PLPPR1: variants seen among roughly 807,000 people sequenced by gnomAD.
PLPPR1 encodes phospholipid phosphatase-related protein type 1.
A neutral mutation model predicts 33.1 loss-of-function variants in PLPPR1; 10 were observed. That is an observed-to-expected ratio of 0.30 (90% CI 0.19 to 0.51). The LOEUF (loss-of-function observed/expected upper bound fraction) is 0.51. PLPPR1 is among the 20% of genes least tolerant of loss of function. The probability of loss-of-function intolerance (pLI) is 0.97; values close to 1 mark genes in which losing one functional copy is unlikely to be tolerated. For missense variants in PLPPR1, 304 were observed against 408.1 expected, an observed-to-expected ratio of 0.74 and a Z score of 2.20; for synonymous variants, 151 against 151.0, an observed-to-expected ratio of 1.00 and a Z score of 0.00.
intron 1 of PLPPR1, among the ~76,000 whole-genome samples, chr9:101,067,124 C>T (rs1005997709): frequency 1.3e-5 from 2 of 151,960 alleles, no homozygotes; most frequent in Admixed American, 1.3e-4. Flanking sequence ...TGCAATGATG[C>T]CTCAACTCTG....
chr9:101,101,017 G>C (rs1445252058), intron 1 of PLPPR1, among the ~76,000 whole-genome samples: 1 of 152,146 alleles, frequency 6.6e-6, no homozygotes, highest in Non-Finnish European at 1.5e-5. Flanking sequence ...AGTAAATTAA[G>C]CCTTAAGAAA....
chr9:101,043,085 A>G (rs1326794800), intron 1 of PLPPR1, among the ~76,000 whole-genome samples: 1 of 151,988 alleles, frequency 6.6e-6, no homozygotes, highest in Non-Finnish European at 1.5e-5. Flanking sequence ...TGAGTCCCCA[A>G]AGTCCATTGT....
intron 2 of PLPPR1, among the ~76,000 whole-genome samples, chr9:101,245,943 T>A (rs1359203356): frequency 6.6e-6 from 1 of 151,258 alleles, no homozygotes; most frequent in East Asian, 2.0e-4. Flanking sequence ...AAAATCCAAA[T>A]AAGGAAAGAC....
At chr9:101,069,283 A>G (rs1183178866) in intron 1 of PLPPR1, among the ~76,000 whole-genome samples, 3 of 152,086 alleles carry the variant, frequency 2.0e-5, no homozygotes, top group Non-Finnish European at 1.5e-5. Context: ...AATGATTTTC[A>G]TTTTAGAGAT....
At chr9:101,297,120 C>T (rs988677859) in intron 4 of PLPPR1, among the ~76,000 whole-genome samples, 1 of 152,034 alleles carries the variant, frequency 6.6e-6, no homozygotes. Context: ...GGATAATGGG[C>T]AAATTGGGCA....
chr9:101,124,451 G>GT (rs1393684581), intron 1 of PLPPR1, among the ~76,000 whole-genome samples: 3 of 152,134 alleles, frequency 2.0e-5, no homozygotes, highest in Non-Finnish European at 4.4e-5. Flanking sequence ...TTCCTGTGCG[G>GT]TTTTCTTGAT....
chr9:101,089,878 T>A (rs1432918445), intron 1 of PLPPR1, among the ~76,000 whole-genome samples: 1 of 152,200 alleles, frequency 6.6e-6, no homozygotes, highest in African/African-American at 2.4e-5. Context: ...TTGCAAGATG[T>A]ATTAGTTGTC....
intron 2 of PLPPR1, among the ~76,000 whole-genome samples, chr9:101,262,506 A>C (rs530431967): frequency 6.6e-6 from 1 of 152,340 alleles, no homozygotes; most frequent in African/African-American, 2.4e-5. Flanking sequence ...AGGAAACAAT[A>C]GATACTGGAG....
Position 101,308,453 on chromosome 9 carries a change from G to A in PLPPR1, c.386-758G>A, listed in dbSNP as rs1319636394. 2.6e-5 allele frequency among the ~76,000 whole-genome samples: 4 copies of A among 152,284 alleles called. 1 individual carries two copies. The highest frequency in any genetic ancestry group is 9.6e-5 in the African/African-American group (4 of 41,552). On this transcript the variant is annotated intron_variant, in intron 4 of 7. Coordinates refer to ENST00000374874, the MANE Select transcript of PLPPR1 (RefSeq NM_207299.2). ...GTTTAGCTTAGTGGAACCTATTGTA[G>A]GCTTCTGAATTCCAGAATACAGAAG...
intron 1 of PLPPR1, among the ~76,000 whole-genome samples, chr9:101,067,240 A>AG (rs67293558): frequency 7.2e-4 from 109 of 151,884 alleles, no homozygotes; most frequent in Non-Finnish European, 1.3e-3. Flanking sequence ...CACCAAAAAA[A>AG]AAAGACTCAA....
At chr9:101,170,865 GGA>G (rs1825933123) in intron 1 of PLPPR1, among the ~76,000 whole-genome samples, 1 of 152,082 alleles carries the variant, frequency 6.6e-6, no homozygotes, top group African/African-American at 2.4e-5. Context: ...ACTTGAACCA[GGA>G]AGGTCAAGAG....
At chr9:101,063,596 C>T (rs751370593) in intron 1 of PLPPR1, among the ~76,000 whole-genome samples, 9 of 152,090 alleles carry the variant, frequency 5.9e-5, no homozygotes, top group Non-Finnish European at 1.2e-4. Flanking sequence ...ACACTCCTCA[C>T]GTATTAAGCT....
At chr9:101,248,420 A>G (rs1409006297) in intron 2 of PLPPR1, among the ~76,000 whole-genome samples, 3 of 152,136 alleles carry the variant, frequency 2.0e-5, no homozygotes, top group Admixed American at 6.6e-5. Context: ...ATGCTCAGGC[A>G]TAAGAATCCT....
chr9:101,089,332 G>GA (rs1830715639), intron 1 of PLPPR1, among the ~76,000 whole-genome samples: 1 of 151,438 alleles, frequency 6.6e-6, no homozygotes, highest in Non-Finnish European at 1.5e-5. Flanking sequence ...TAGATAGATA[G>GA]TAGTTAATTG....
At chr9:101,153,172 G>A (rs1006296344) in intron 1 of PLPPR1, among the ~76,000 whole-genome samples, 1 of 152,168 alleles carries the variant, frequency 6.6e-6, no homozygotes, top group Non-Finnish European at 1.5e-5. Context: ...TTGTGAATGG[G>A]AGTTCACTCA....
intron 1 of PLPPR1, among the ~76,000 whole-genome samples, chr9:101,120,253 A>G (rs929794435): frequency 2.0e-5 from 3 of 152,228 alleles, no homozygotes; most frequent in Non-Finnish European, 2.9e-5. Context: ...ACTCTAGCCA[A>G]TGGAATCCGT....
At chr9:101,319,409 C>T (rs1175189254) in intron 7 of PLPPR1, among the ~76,000 whole-genome samples, 1 of 152,094 alleles carries the variant, frequency 6.6e-6, no homozygotes. Flanking sequence ...ATATCCTATG[C>T]CTTTTTACCT....
At chr9:101,149,436 A>T (rs1477413313) in intron 1 of PLPPR1, among the ~76,000 whole-genome samples, 2 of 152,174 alleles carry the variant, frequency 1.3e-5, no homozygotes, top group Non-Finnish European at 2.9e-5. Context: ...TCTTATGGTT[A>T]TCGGGGGTAC....
chr9:101,211,641 A>T lies in PLPPR1; in HGVS notation c.63+26084A>T, dbSNP rs372963356. On this transcript the variant is annotated intron_variant, in intron 2 of 7. Transcript: ENST00000374874. ...CCACCTCCTTAACACTAGGCCTGGC[A>T]TGTTCTTAAAGCAACTCTGTCCCTC... 3.2e-4 allele frequency among the ~76,000 whole-genome samples: 49 copies of T among 152,338 alleles called. 2 individuals carry two copies. The highest frequency in any genetic ancestry group is 3.1e-3 in the South Asian group (15 of 4,828).
Sources: allele counts gnomAD v4.1 joint callset (sites outside exome capture counted in the v4.1 genomes callset), GRCh38; gene constraint gnomAD v4.1.1; transcripts MANE v1.5; gene names NCBI Gene and HGNC (gene_info 2026-07-23, HGNC 2026-07-21).